The following HRH3 variants were observed in gnomAD, a reference collection of about 807,000 sequenced individuals.
The protein encoded by HRH3 is histamine H3 receptor.
In HRH3, 13 loss-of-function variants were observed where a neutral mutation model predicts 21.6. The observed-to-expected ratio is 0.60, with a 90% CI of 0.39 to 0.96. The LOEUF (loss-of-function observed/expected upper bound fraction) is 0.96. Among genes scored for constraint, HRH3 ranks in the 40% least tolerant of loss-of-function variants. The pLI is 0.00. For synonymous variants in HRH3, 276 were observed against 290.3 expected (o/e 0.95, Z 0.50); for missense variants, 461 against 622.7 (o/e 0.74, Z 2.76).
At position 62,215,130 on chromosome 20, in the gene HRH3, C is replaced by T. The variant is rs201127894; in HGVS notation, c.*876G>A. The T allele has an allele frequency of 8.4e-6, 3 of 356,666 alleles. No individual in the cohort carries two copies. The highest frequency in any genetic ancestry group is 2.1e-5 in the South Asian group (1 of 47,370). The allele number at this position is 356,666 out of a possible 1,614,324, so 22.1% of individuals were successfully genotyped here. A position where few individuals can be genotyped will look rare whatever the true frequency, so the allele number is the denominator to read the frequency against. The stretch of plus-strand genomic sequence containing the variant: ...CCGCCCCTGCACGCCTTGGGACCCT[C>T]GGGCCCAGCCGGGCCCCCTCCTCCC... On this transcript the variant is annotated 3_prime_UTR_variant, in exon 3 of 3. Transcript: ENST00000340177.
chr20:62,215,403 C>T lies in HRH3; in HGVS notation c.*603G>A. The T allele has an allele frequency of 2.2e-6, 1 of 457,036 alleles. No individual in the cohort carries two copies. The highest frequency in any genetic ancestry group is 4.4e-6 in the Non-Finnish European group (1 of 227,094). 28.3% of individuals were successfully genotyped at this position (457,036 alleles called of 1,614,324 possible). On this transcript the variant is annotated 3_prime_UTR_variant, in exon 3 of 3. Transcript: ENST00000340177. ...TTCACAGACATGTTTTCTTCTTCAT[C>T]TTTCTGAAAACACCCAGAATGGAAA...
Position 62,218,512 on chromosome 20 carries a change from G to A in HRH3, c.396C>T (p.Arg132=), listed in dbSNP as rs1978674045. 2 of 1,611,868 alleles carry A rather than the reference G, an allele frequency of 1.2e-6. No homozygotes were observed. The highest frequency in any genetic ancestry group is 1.7e-5 in the Admixed American group (1 of 59,968). ...TCACCGCTCGGGTGACCGACAGGAAGCGGTCGTAGCTGATGAGCACGATGT... is the reference window on the plus strand; with the variant it reads ...TCACCGCTCGGGTGACCGACAGGAAACGGTCGTAGCTGATGAGCACGATGT... ...AFNIVLISYD[R]FLSVTRAVSY... is the part of the protein sequence containing the mutation. Residue 132 remains arginine, a synonymous_variant, in exon 2 of 3, where the codon CGC becomes CGT. Coordinates refer to ENST00000340177, the MANE Select transcript of HRH3 (RefSeq NM_007232.3). This position sits in a 1 kb window ranked among gnomAD's most constrained non-coding sequence, Gnocchi z 5.6.
In HRH3 at chr20:62,216,476, T is replaced by C. The variant is rs780145180; in HGVS notation, c.868A>G (p.Thr290Ala). The part of the protein sequence containing the change: ...AAVGAEAGEA[T>A]LGGGGGGGSV... ...CCGCCCCCACCGCCACCCCCGAGGG[T>C]CGCCTCCCCGGCCTCAGCGCCTACG... Residue 290 changes from threonine (T) to alanine (A), a missense_variant, in exon 3 of 3, where the codon ACC (threonine) becomes GCC (alanine). Physicochemically the swap from Thr to Ala is moderately conservative, Grantham distance 58. This residue lies in a region of HRH3 where 163 missense variants were observed against 139.4 expected (regional missense o/e 1.17). Transcript: ENST00000340177. The C allele has an allele frequency of 1.3e-6, 2 of 1,554,234 alleles. No homozygotes were observed. Among genetic ancestry groups the C allele is most frequent in the Non-Finnish European group, 1.7e-6 (2 of 1,149,282 alleles).
At position 62,218,608 on chromosome 20, in the gene HRH3, C is replaced by T; in HGVS notation, c.300G>A (p.Trp100Ter). 1 of 1,612,398 alleles carries T rather than the reference C, an allele frequency of 6.2e-7. No homozygotes were observed. Among genetic ancestry groups the T allele is most frequent in the Non-Finnish European group, 8.5e-7 (1 of 1,179,916 alleles). The change falls in exon 2 of 3, where the codon TGG becomes TGA. Residue 100 changes from tryptophan (W) to a stop codon, truncating the protein, a stop_gained. Coordinates refer to ENST00000340177, the MANE Select transcript of HRH3 (RefSeq NM_007232.3). LOFTEE classifies it high-confidence loss of function. The surrounding 1 kb of genome is among the most constrained non-coding windows in gnomAD (Gnocchi z 5.6). ...GCTTGCAGAGGCCCCGGCCGAAGGTCCAGCGGCCTGTCAGCACGTAGGGTA... is the reference window on the plus strand; with the variant it reads ...GCTTGCAGAGGCCCCGGCCGAAGGTTCAGCGGCCTGTCAGCACGTAGGGTA... Reference protein sequence around the residue: ...LYVPYVLTGRWTFGRGLCKLW... With the variant: ...LYVPYVLTGR
Position 62,216,861 on chromosome 20 carries a change from C to G in HRH3, c.483G>C (p.Val161=). The G allele has an allele frequency of 6.2e-7, 1 of 1,612,624 alleles. No individual in the cohort carries two copies. Among genetic ancestry groups the G allele is most frequent in the Non-Finnish European group, 8.5e-7 (1 of 1,179,888 alleles). ...RAVRKMLLVW[V]LAFLLYGPAI... is the part of the protein sequence containing the mutation. ...CTGGTCCGTACAGCAGGAAGGCCAGCACCCACACCAGCAGCATCTTCCGCA... is the reference window on the plus strand; with the variant it reads ...CTGGTCCGTACAGCAGGAAGGCCAGGACCCACACCAGCAGCATCTTCCGCA... Residue 161 remains valine (V), a synonymous_variant, in exon 3 of 3, where the codon GTG becomes GTC. Coordinates refer to ENST00000340177, the MANE Select transcript of HRH3 (RefSeq NM_007232.3).
At position 62,215,996 on chromosome 20, in the gene HRH3, G is replaced by A. The variant is rs764123933; in HGVS notation, c.*10C>T. ...GAGAGGCGTGGCTGAGGGAGGCTCT[G>A]GTGGGCCACTCACTTCCAGCAGTGC... On this transcript the variant is annotated 3_prime_UTR_variant, in exon 3 of 3. Transcript: ENST00000340177. The A allele has an allele frequency of 7.1e-6, 11 of 1,552,968 alleles. No individual in the cohort carries two copies. Among genetic ancestry groups the A allele is most frequent in the Non-Finnish European group, 9.6e-6 (11 of 1,147,446 alleles).
rs1456068212 is a variant in HRH3 at position 62,218,087 on chromosome 20, C to T, written c.417+404G>A. ...GGCCGCTCCCACAAAGGGAAATCTGCGGAGCCAGGATCTGCCGCCTGCCTT... is the reference window on the plus strand; with the variant it reads ...GGCCGCTCCCACAAAGGGAAATCTGTGGAGCCAGGATCTGCCGCCTGCCTT... On this transcript the variant is annotated intron_variant, in intron 2 of 2. Transcript: ENST00000340177. This position sits in a 1 kb window ranked among gnomAD's most constrained non-coding sequence, Gnocchi z 5.6. Among the ~76,000 whole-genome samples, 6 of 152,220 alleles carry T rather than the reference C, an allele frequency of 3.9e-5. No individual in the cohort carries two copies. Among genetic ancestry groups the T allele is most frequent in the Admixed American group, 6.5e-5 (1 of 15,290 alleles).
rs989008372 is a variant in HRH3, at chr20:62,220,239, G to C, written c.-269C>G. 26 of 151,406 alleles carry C rather than the reference G, an allele frequency of 1.7e-4. No homozygotes were observed. Among genetic ancestry groups the C allele is most frequent in the Non-Finnish European group, 4.3e-5 (3 of 69,184 alleles). 9.4% of individuals were successfully genotyped at this position (151,406 alleles called of 1,614,324 possible). On this transcript the variant is annotated 5_prime_UTR_variant, in exon 1 of 3. Coordinates refer to ENST00000340177, the MANE Select transcript of HRH3 (RefSeq NM_007232.3). ...GGAGCCGGAGCCTGAGCCGCTGCCG[G>C]TGCGACCGTGCAGCCGGAGCGCAAC...
In HRH3 at chr20:62,216,466, C is replaced by A; in HGVS notation, c.878G>T (p.Gly293Val). 1 of 1,548,212 alleles carries A rather than the reference C, an allele frequency of 6.5e-7. No homozygotes were observed. The change falls in exon 3 of 3, where the codon GGT (glycine) becomes GTT (valine). Residue 293 changes from glycine to valine, a missense_variant. Around this residue, in one of 6 missense-constraint regions of HRH3, gnomAD observed 163 missense variants for 139.4 expected, o/e 1.17. Coordinates refer to ENST00000340177, the MANE Select transcript of HRH3 (RefSeq NM_007232.3). The part of the protein sequence containing the change: ...GAEAGEATLG[G>V]GGGGGSVASP... The stretch of plus-strand genomic sequence containing the variant: ...AGCCACGGAGCCGCCCCCACCGCCA[C>A]CCCCGAGGGTCGCCTCCCCGGCCTC...
In HRH3 at chr20:62,218,603, A is replaced by AC; in HGVS notation, c.304_305insG (p.Phe102CysfsTer47). On this transcript the variant is annotated frameshift_variant, in exon 2 of 3. Transcript: ENST00000340177. LOFTEE classifies it high-confidence loss of function. This position sits in a 1 kb window ranked among gnomAD's most constrained non-coding sequence, Gnocchi z 5.6. ...CCACAGCTTGCAGAGGCCCCGGCCG[A>AC]AGGTCCAGCGGCCTGTCAGCACGTA... is the stretch of plus-strand genomic sequence containing the variant. 1.9e-6 allele frequency: 3 copies of AC among 1,612,436 alleles called. No homozygotes were observed. Among genetic ancestry groups the AC allele is most frequent in the Non-Finnish European group, 2.5e-6 (3 of 1,179,924 alleles).
chr20:62,215,727 G>A lies in HRH3; in HGVS notation c.*279C>T. The A allele has an allele frequency of 1.1e-5, 6 of 521,784 alleles. No homozygotes were observed. In the South Asian group the frequency reaches 1.3e-4, roughly 11 times the overall value. 32.3% of individuals were successfully genotyped at this position (521,784 alleles called of 1,614,324 possible). A position where few individuals can be genotyped will look rare whatever the true frequency, so the allele number is the denominator to read the frequency against. Reference sequence around the variant, plus strand: ...CGAAGGGTGGGCACCAGCAGGGGGTGGGCAGCATGTCTGGGACCTCCAGAC... The same window carrying A: ...CGAAGGGTGGGCACCAGCAGGGGGTAGGCAGCATGTCTGGGACCTCCAGAC... On this transcript the variant is annotated 3_prime_UTR_variant, in exon 3 of 3. Coordinates refer to ENST00000340177, the MANE Select transcript of HRH3 (RefSeq NM_007232.3).
chr20:62,218,679 T>A lies in HRH3; in HGVS notation c.251-22A>T. ...GCGCCTGTGGGGAGTAGGGCCACAG[T>A]GGGACCATGCAGCCAGGGGCCAGGG... On this transcript the variant is annotated intron_variant, in intron 1 of 2. Transcript: ENST00000340177. The surrounding 1 kb of genome is among the most constrained non-coding windows in gnomAD (Gnocchi z 5.6). 6.2e-7 allele frequency: 1 copy of A among 1,607,984 alleles called. No individual in the cohort carries two copies. Among genetic ancestry groups the A allele is most frequent in the Non-Finnish European group, 8.5e-7 (1 of 1,177,980 alleles).
Position 62,216,623 on chromosome 20 carries a change from C to G in HRH3, c.721G>C (p.Gly241Arg), listed in dbSNP as rs370603170. ...TGGGCCTCGGGAGGGGGCTCGGGGC[C>G]GGCTGCCTCTCGAGCCCCATCCAGC... ...LRLDGAREAAGPEPPPEAQPS... is the reference protein window; with the variant it reads ...LRLDGAREAARPEPPPEAQPS... Residue 241 changes from glycine (G) to arginine (R), a missense_variant, in exon 3 of 3, where the codon GGC becomes CGC. By Grantham distance (125) the Gly-to-Arg change is moderately radical (BLOSUM62 -2). Around this residue, in one of 6 missense-constraint regions of HRH3, gnomAD observed 163 missense variants for 139.4 expected, o/e 1.17. Transcript: ENST00000340177. 1.9e-5 allele frequency: 30 copies of G among 1,611,414 alleles called. No individual in the cohort carries two copies. The highest frequency in any genetic ancestry group is 3.3e-5 in the Admixed American group (2 of 59,900).
rs1978743892 is a variant in HRH3 at position 62,219,931 on chromosome 20, C to A, written c.40G>T (p.Gly14Trp). ...GCCGCCGCCTCGCCCGCCAGCGCCC[C>A]CGAAGCGTTCAGCGGCCCGTCGGGC... ...APPDGPLNASGALAGEAAAAG... is the reference protein window; with the variant it reads ...APPDGPLNASWALAGEAAAAG... The change falls in exon 1 of 3, where the codon GGG (glycine) becomes TGG (tryptophan). Residue 14 changes from glycine to tryptophan, a missense_variant. This residue lies in a region of HRH3 where 102 missense variants were observed against 155.6 expected (regional missense o/e 0.66). Coordinates refer to ENST00000340177, the MANE Select transcript of HRH3 (RefSeq NM_007232.3). This position sits in a 1 kb window ranked among gnomAD's most constrained non-coding sequence, Gnocchi z 8.7. 2 of 1,226,576 alleles carry A rather than the reference C, an allele frequency of 1.6e-6. No individual in the cohort carries two copies. The allele number at this position is 1,226,576 out of a possible 1,614,324, so 76.0% of individuals were successfully genotyped here.
Position 62,215,916 on chromosome 20 carries a change from G to A in HRH3, c.*90C>T. 7.8e-7 allele frequency: 1 copy of A among 1,276,456 alleles called. No homozygotes were observed. Among genetic ancestry groups the A allele is most frequent in the Middle Eastern group, 2.6e-4 (1 of 3,776 alleles). The allele number at this position is 1,276,456 out of a possible 1,614,324, so 79.1% of individuals were successfully genotyped here. A position where few individuals can be genotyped will look rare whatever the true frequency, so the allele number is the denominator to read the frequency against. ...CAGACACGGCGGGGCTCACCCCTGG[G>A]GGAACGAGCCGGGTAGGGGGCAGCA... On this transcript the variant is annotated 3_prime_UTR_variant, in exon 3 of 3. Transcript: ENST00000340177.
chr20:62,215,908 AC>A lies in HRH3; in HGVS notation c.*97del. 8.4e-7 allele frequency: 1 copy of A among 1,185,000 alleles called. No homozygotes were observed. The highest frequency in any genetic ancestry group is 1.6e-5 in the South Asian group (1 of 63,898). 73.4% of individuals were successfully genotyped at this position (1,185,000 alleles called of 1,614,324 possible). A position where few individuals can be genotyped will look rare whatever the true frequency, so the allele number is the denominator to read the frequency against. On this transcript the variant is annotated 3_prime_UTR_variant, in exon 3 of 3. Coordinates refer to ENST00000340177, the MANE Select transcript of HRH3 (RefSeq NM_007232.3). ...GAGGGCCACAGACACGGCGGGGCTC[AC>A]CCCTGGGGGAACGAGCCGGGTAGGG...
rs771754091 is a variant in HRH3, at chr20:62,215,454, A to G, written c.*552T>C. On this transcript the variant is annotated 3_prime_UTR_variant, in exon 3 of 3. Coordinates refer to ENST00000340177, the MANE Select transcript of HRH3 (RefSeq NM_007232.3). ...AGCAGAGAACAGCTTCGAGGTTCCT[A>G]GGGCCCCTTGACACTTTTGGGGGCA... 2.2e-6 allele frequency: 1 copy of G among 457,304 alleles called. No individual in the cohort carries two copies. The highest frequency in any genetic ancestry group is 1.5e-5 in the South Asian group (1 of 64,580). The allele number at this position is 457,304 out of a possible 1,614,324, so 28.3% of individuals were successfully genotyped here.
Position 62,218,694 on chromosome 20 carries a change from A to G in HRH3, c.251-37T>C. The G allele has an allele frequency of 6.3e-7, 1 of 1,598,346 alleles. No individual in the cohort carries two copies. Among genetic ancestry groups the G allele is most frequent in the South Asian group, 1.1e-5 (1 of 90,576 alleles). Reference sequence around the variant, plus strand: ...AGGGCCACAGTGGGACCATGCAGCCAGGGGCCAGGGGACAGACGGACCTAA... The same window carrying G: ...AGGGCCACAGTGGGACCATGCAGCCGGGGGCCAGGGGACAGACGGACCTAA... On this transcript the variant is annotated intron_variant, in intron 1 of 2. Coordinates refer to ENST00000340177, the MANE Select transcript of HRH3 (RefSeq NM_007232.3). The surrounding 1 kb of genome is among the most constrained non-coding windows in gnomAD (Gnocchi z 5.6).
At position 62,216,027 on chromosome 20, in the gene HRH3, G is replaced by T; in HGVS notation, c.1317C>A (p.Ser439=). Residue 439 remains serine, a synonymous_variant, in exon 3 of 3, where the codon TCC becomes TCA. Coordinates refer to ENST00000340177, the MANE Select transcript of HRH3 (RefSeq NM_007232.3). The part of the protein sequence containing the change: ...PQKLKIQPHS[S]LEHCWK The stretch of plus-strand genomic sequence containing the variant: ...CCACTCACTTCCAGCAGTGCTCCAG[G>T]GAGCTGTGGGGCTGGATTTTGAGCT... The T allele has an allele frequency of 1.3e-6, 2 of 1,584,264 alleles. No homozygotes were observed. The highest frequency in any genetic ancestry group is 8.6e-7 in the Non-Finnish European group (1 of 1,165,728).
Sources: gnomAD v4.1 joint callset for allele counts (sites outside exome capture counted in the v4.1 genomes callset) on GRCh38, gnomAD v4.1.1 for gene constraint, gnomAD v4.1.1 regional missense constraint, Gnocchi (gnomAD v3.1) non-coding constraint, MANE v1.5 for transcripts, NCBI Gene and HGNC (gene_info 2026-07-23, HGNC 2026-07-21) for gene names.